The following ETV6 variants were observed in gnomAD, a reference collection of about 807,000 sequenced individuals.
ETV6 encodes the protein transcription factor ETV6.
In ETV6, 16 loss-of-function variants were observed where a neutral mutation model predicts 51.1. That is an observed-to-expected ratio of 0.31 (90% CI 0.21 to 0.48). The LOEUF (loss-of-function observed/expected upper bound fraction) is 0.48. Ranked by LOEUF, ETV6 falls within the 20% of genes least tolerant of loss-of-function variation. The pLI is 0.99. For missense variants in ETV6, 458 were observed against 594.8 expected (o/e 0.77, Z 2.39); for synonymous variants, 240 against 224.1 (o/e 1.07, Z -0.64).
chr12:11,691,225 C>T (rs1006917192), intron 1 of ETV6, among the ~76,000 whole-genome samples: 2 of 152,178 alleles, frequency 1.3e-5, no homozygotes, highest in African/African-American at 2.4e-5. Context: ...GAGGCCCCAT[C>T]TCTAAATACC....
chr12:11,672,070 C>CT (rs932780515), intron 1 of ETV6, among the ~76,000 whole-genome samples: 3 of 151,624 alleles, frequency 2.0e-5, no homozygotes, highest in Admixed American at 6.6e-5. Context: ...AAACACTTGC[C>CT]TGTCTGCCTT....
chr12:11,690,907 T>TAAATAAATAAAA (rs1241442940), intron 1 of ETV6, among the ~76,000 whole-genome samples: 9 of 144,140 alleles, frequency 6.2e-5, no homozygotes, highest in African/African-American at 8.6e-5. Context: ...AATAAATAAA[T>TAAATAAATAAAA]AAAATTATAT....
At chr12:11,819,165 G>A (rs1177258256) in intron 2 of ETV6, among the ~76,000 whole-genome samples, 1 of 152,086 alleles carries the variant, frequency 6.6e-6, no homozygotes, top group African/African-American at 2.4e-5. Context: ...TCTCCACATG[G>A]TGTCCTCCTC....
intron 2 of ETV6, among the ~76,000 whole-genome samples, chr12:11,775,892 G>A (rs1463416896): frequency 6.6e-6 from 1 of 152,208 alleles, no homozygotes; most frequent in Non-Finnish European, 1.5e-5. Context: ...GTGCTGATCT[G>A]TTTTTGTTTC....
intron 6 of ETV6, 97 bp downstream of exon 6, chr12:11,884,684 T>C: frequency 6.8e-7 from 1 of 1,464,434 alleles, no homozygotes; most frequent in Non-Finnish European, 9.4e-7. Context: ...GCTTTTTACG[T>C]CTGCCCATAC....
Position 11,806,164 on chromosome 12 carries a change from C to T in ETV6, c.164-32976C>T, listed in dbSNP as rs146637465. Among the ~76,000 whole-genome samples the T allele has an allele frequency of 2.9e-3, 439 of 152,296 alleles. 5 individuals carry two copies. Among genetic ancestry groups the T allele is most frequent in the African/African-American group, 0.01 (426 of 41,546 alleles). On this transcript the variant is annotated intron_variant, in intron 2 of 7. Transcript: ENST00000396373. The stretch of plus-strand genomic sequence containing the variant: ...ATGGGGCCCAATTCTATTGCTCTTG[C>T]GTCTGTCACACAGTTGAGGTTTTGG...
intron 1 of ETV6, among the ~76,000 whole-genome samples, chr12:11,653,312 T>G (rs1411544936): frequency 2.6e-5 from 4 of 152,228 alleles, no homozygotes; most frequent in Non-Finnish European, 5.9e-5. Context: ...AAGGTGGTTG[T>G]GGCCTAGCAG....
In ETV6 at chr12:11,650,158, A is replaced by G. The variant is rs932279404; in HGVS notation, c.31A>G (p.Lys11Glu). The G allele has an allele frequency of 1.2e-6, 2 of 1,613,424 alleles. No homozygotes were observed. The highest frequency in any genetic ancestry group is 1.7e-6 in the Non-Finnish European group (2 of 1,179,492). The change falls in exon 1 of 8, where the codon AAG becomes GAG. Residue 11 changes from lysine to glutamate, a missense_variant and splice_region_variant. Lys to Glu is a moderately conservative substitution (Grantham distance 56). Transcript: ENST00000396373. Reference protein sequence around the residue: MSETPAQCSIKQERISYTPPE... With the variant: MSETPAQCSIEQERISYTPPE... Reference sequence around the variant, plus strand: ...TGAGACTCCTGCTCAGTGTAGCATTAAGGTAAAAATCTTCTCCCCTCCTTC... The same window carrying G: ...TGAGACTCCTGCTCAGTGTAGCATTGAGGTAAAAATCTTCTCCCCTCCTTC...
chr12:11,778,970 G>T (rs775076474), intron 2 of ETV6, among the ~76,000 whole-genome samples: 1 of 152,158 alleles, frequency 6.6e-6, no homozygotes, highest in Admixed American at 6.5e-5. Context: ...ATTTTATCTC[G>T]CAAACAACCA....
At chr12:11,789,581 G>A (rs934090150) in intron 2 of ETV6, among the ~76,000 whole-genome samples, 1 of 152,116 alleles carries the variant, frequency 6.6e-6, no homozygotes, top group African/African-American at 2.4e-5. Context: ...AGCTTCCTGA[G>A]AAAGGGTAGG....
At chr12:11,654,744 CA>C (rs1863969002) in intron 1 of ETV6, among the ~76,000 whole-genome samples, 2 of 152,112 alleles carry the variant, frequency 1.3e-5, no homozygotes, top group African/African-American at 4.8e-5. Context: ...TTTTACAGTG[CA>C]CAAAGGCCTG....
Position 11,724,339 on chromosome 12 carries a change from C to G in ETV6, c.34-28111C>G, listed in dbSNP as rs10772501. ...ATGGTTTGGGAGAAAGCTGCAAGGCCTGTTCGTGGATCCTTAGTATTTTGA... is the reference window on the plus strand; with the variant it reads ...ATGGTTTGGGAGAAAGCTGCAAGGCGTGTTCGTGGATCCTTAGTATTTTGA... On this transcript the variant is annotated intron_variant, in intron 1 of 7. Coordinates refer to ENST00000396373, the MANE Select transcript of ETV6 (RefSeq NM_001987.5). Among the ~76,000 whole-genome samples, 1,224 of 152,276 alleles carry G rather than the reference C, an allele frequency of 8.0e-3. 14 individuals are homozygous for G. Among genetic ancestry groups the G allele is most frequent in the African/African-American group, 0.027 (1,129 of 41,522 alleles).
chr12:11,865,667 T>C (rs1946781508), intron 4 of ETV6, among the ~76,000 whole-genome samples: 1 of 148,514 alleles, frequency 6.7e-6, no homozygotes, highest in African/African-American at 2.4e-5. Context: ...ATATATCATA[T>C]ATACTATAAT....
rs3050331 is a variant in ETV6 at position 11,893,355 on chromosome 12, C to CAAAG, written c.*2312_*2315dup. The CAAAG allele has an allele frequency of 0.43, 99,426 of 231,566 alleles. 21,682 individuals carry two copies. The highest frequency in any genetic ancestry group is 0.53 in the Admixed American group (9,449 of 17,684). 14.3% of individuals were successfully genotyped at this position (231,566 alleles called of 1,614,324 possible). A position where few individuals can be genotyped will look rare whatever the true frequency, so the allele number is the denominator to read the frequency against. On this transcript the variant is annotated 3_prime_UTR_variant, in exon 8 of 8. Transcript: ENST00000396373. ...TGCAAGAACTCAGTCTCTTACTGTT[C>CAAAG]AAAGAATCTTAACAGTTGAATTATG...
At chr12:11,664,623 A>T (rs974618861) in intron 1 of ETV6, among the ~76,000 whole-genome samples, 1 of 151,978 alleles carries the variant, frequency 6.6e-6, no homozygotes, top group Non-Finnish European at 1.5e-5. Flanking sequence ...GCGAACGGTG[A>T]CCCTTGTTTG....
At chr12:11,767,214 C>T (rs7975205) in intron 2 of ETV6, among the ~76,000 whole-genome samples, 2,750 of 152,294 alleles carry the variant, frequency 0.018, 89 homozygotes, top group African/African-American at 0.063. Flanking sequence ...GTCACTGAAC[C>T]TCCCAGCCTC....
intron 5 of ETV6, among the ~76,000 whole-genome samples, chr12:11,883,472 T>C (rs544481534): frequency 6.6e-6 from 1 of 151,870 alleles, no homozygotes; most frequent in South Asian, 2.1e-4. Context: ...TTTTTGTATT[T>C]TTAGTAGAGA....
chr12:11,735,764 A>G (rs1466632443), intron 1 of ETV6, among the ~76,000 whole-genome samples: 2 of 152,048 alleles, frequency 1.3e-5, no homozygotes, highest in Non-Finnish European at 2.9e-5. Context: ...ACGCCTGGCT[A>G]ATTTTTGGTA....
rs577060182 is a variant in ETV6 at position 11,762,693 on chromosome 12, C to A, written c.163+10114C>A. Among the ~76,000 whole-genome samples, 14 of 152,312 alleles carry A rather than the reference C, an allele frequency of 9.2e-5. No homozygotes were observed. The South Asian group carries it at 2.7e-3, about 29-fold the overall frequency. On this transcript the variant is annotated intron_variant, in intron 2 of 7. Coordinates refer to ENST00000396373, the MANE Select transcript of ETV6 (RefSeq NM_001987.5). The stretch of plus-strand genomic sequence containing the variant: ...GAATCTGTGACACTTATACCATCCC[C>A]TGGGCATGAAAACTCACACCCAAGG...
Sources: gnomAD v4.1 joint callset for allele counts (sites outside exome capture counted in the v4.1 genomes callset) on GRCh38, gnomAD v4.1.1 for gene constraint, MANE v1.5 for transcripts, NCBI Gene and HGNC (gene_info 2026-07-23, HGNC 2026-07-21) for gene names.